Variants in CNTN5 observed in about 807,000 individuals in gnomAD.
CNTN5 encodes the protein contactin 5, also known as contactin-5.
CNTN5 carries 77 observed loss-of-function variants against 129.1 expected under a neutral mutation model. The observed-to-expected ratio is 0.60, with a 90% CI of 0.50 to 0.72. CNTN5 has a LOEUF of 0.72. Ranked by LOEUF, CNTN5 falls within the 30% of genes least tolerant of loss-of-function variation. The pLI, the probability that CNTN5 is intolerant of heterozygous loss-of-function variation, is 0.00. For synonymous variants in CNTN5, 509 were observed against 465.6 expected, an observed-to-expected ratio of 1.09 and a Z score of -1.20; for missense variants, 1,478 against 1,328.8, an observed-to-expected ratio of 1.11 and a Z score of -1.75.
At chr11:100,327,770 T>C (rs1951820631) in intron 21 of CNTN5, among the ~76,000 whole-genome samples, 1 of 152,140 alleles carries the variant, frequency 6.6e-6, no homozygotes, top group Non-Finnish European at 1.5e-5. Context: ...TTTTTAGAAC[T>C]CAAGACCTGG....
chr11:99,261,896 C>T (rs1862646246), intron 1 of CNTN5, among the ~76,000 whole-genome samples: 1 of 152,050 alleles, frequency 6.6e-6, no homozygotes, highest in Middle Eastern at 3.4e-3. Flanking sequence ...CCTTCCTAAG[C>T]CAAATCATGA....
chr11:99,029,824 C>T (rs1248294441), intron 1 of CNTN5, among the ~76,000 whole-genome samples: 2 of 152,076 alleles, frequency 1.3e-5, no homozygotes, highest in African/African-American at 4.8e-5. Flanking sequence ...GTGACTTGTA[C>T]AGGTCACCTT....
chr11:100,086,811 T>C (rs749805132), intron 13 of CNTN5, among the ~76,000 whole-genome samples: 2 of 151,388 alleles, frequency 1.3e-5, no homozygotes, highest in Non-Finnish European at 3.0e-5. Context: ...AGAAGGAATA[T>C]AAAAATAGTA....
chr11:99,213,374 GTAT>G (rs1859926638), intron 1 of CNTN5, among the ~76,000 whole-genome samples: 1 of 103,542 alleles, frequency 9.7e-6, no homozygotes, highest in African/African-American at 3.9e-5. Flanking sequence ...ATGTATATAT[GTAT>G]ATACATATAT....
chr11:99,591,426 C>T (rs6590223), intron 3 of CNTN5, among the ~76,000 whole-genome samples: 11,541 of 148,554 alleles, frequency 0.078, 683 homozygotes, highest in African/African-American at 0.17. Flanking sequence ...AAACCTCTGC[C>T]TCCTGGGTTC....
intron 2 of CNTN5, among the ~76,000 whole-genome samples, chr11:99,432,428 TC>T (rs1488457702): frequency 8.0e-6 from 1 of 125,780 alleles, no homozygotes; most frequent in African/African-American, 2.8e-5. Flanking sequence ...TCTTTTCTTT[TC>T]CTTTTCTTTC....
rs528769791 is a variant in CNTN5, at chr11:100,357,436, A to G, written c.*1216A>G. On this transcript the variant is annotated 3_prime_UTR_variant, in exon 25 of 25. Transcript: ENST00000524871. Reference sequence around the variant, plus strand: ...GTAATCCTTATTTGCTATTTCAAAGAGTCATCTTGAGCCTGAGAGATCCTA... The same window carrying G: ...GTAATCCTTATTTGCTATTTCAAAGGGTCATCTTGAGCCTGAGAGATCCTA... The G allele has an allele frequency of 6.6e-6, 1 of 151,830 alleles. No individual in the cohort carries two copies. The highest frequency in any genetic ancestry group is 2.1e-4 in the South Asian group (1 of 4,826). 9.4% of individuals were successfully genotyped at this position (151,830 alleles called of 1,614,324 possible). A position where few individuals can be genotyped will look rare whatever the true frequency, so the allele number is the denominator to read the frequency against.
chr11:100,095,360 C>T (rs1487442010), intron 13 of CNTN5, among the ~76,000 whole-genome samples: 1 of 151,940 alleles, frequency 6.6e-6, no homozygotes, highest in Non-Finnish European at 1.5e-5. Context: ...GTGGAAGAAA[C>T]TAACCAGAAG....
At chr11:99,583,626 T>C (rs539078114) in intron 3 of CNTN5, among the ~76,000 whole-genome samples, 16 of 152,338 alleles carry the variant, frequency 1.1e-4, no homozygotes, top group East Asian at 9.6e-4. Context: ...CTCTGAGCCA[T>C]GCGCGGGATA....
rs1952543776 is a variant in CNTN5, at chr11:100,357,232, G to A, written c.*1012G>A. On this transcript the variant is annotated 3_prime_UTR_variant, in exon 25 of 25. Transcript: ENST00000524871. ...AAAATGGTTCAAGTATAACAAATAA[G>A]TTTTGATTTTTAAAAACAGTTCCAT... 6.6e-6 allele frequency: 1 copy of A among 151,684 alleles called. No homozygotes were observed. Among genetic ancestry groups the A allele is most frequent in the Admixed American group, 6.6e-5 (1 of 15,166 alleles). 9.4% of individuals were successfully genotyped at this position (151,684 alleles called of 1,614,324 possible). A position where few individuals can be genotyped will look rare whatever the true frequency, so the allele number is the denominator to read the frequency against.
chr11:100,097,549 T>C (rs568813043), intron 13 of CNTN5, among the ~76,000 whole-genome samples: 18 of 151,986 alleles, frequency 1.2e-4, no homozygotes, highest in Non-Finnish European at 2.2e-4. Flanking sequence ...TTGACTGAAA[T>C]GGAAAGAAAT....
intron 2 of CNTN5, among the ~76,000 whole-genome samples, chr11:99,438,080 C>G (rs1943670628): frequency 6.6e-6 from 1 of 152,068 alleles, no homozygotes; most frequent in Non-Finnish European, 1.5e-5. Context: ...CAACATTTAA[C>G]ACATGAGTAA....
At chr11:99,508,456 C>G (rs952258242) in intron 2 of CNTN5, among the ~76,000 whole-genome samples, 1 of 152,004 alleles carries the variant, frequency 6.6e-6, no homozygotes, top group South Asian at 2.1e-4. Flanking sequence ...CTGAGTACAC[C>G]GATGCAGAGC....
chr11:99,319,686 G>T (rs758730308), intron 1 of CNTN5, among the ~76,000 whole-genome samples: 1 of 152,070 alleles, frequency 6.6e-6, no homozygotes, highest in Non-Finnish European at 1.5e-5. Context: ...AGCACAGTAT[G>T]TAAATTTTTT....
chr11:100,081,999 G>A (rs1320618258), intron 13 of CNTN5, among the ~76,000 whole-genome samples: 1 of 152,100 alleles, frequency 6.6e-6, no homozygotes, highest in Admixed American at 6.6e-5. Context: ...GTACAAGAGA[G>A]TTTAAAGCAC....
chr11:99,445,598 C>T (rs1297613292), intron 2 of CNTN5, among the ~76,000 whole-genome samples: 2 of 152,066 alleles, frequency 1.3e-5, no homozygotes, highest in East Asian at 3.9e-4. Context: ...GCATTCTTTA[C>T]ATTGGATTTA....
chr11:99,887,345 T>C (rs926119131), intron 6 of CNTN5, among the ~76,000 whole-genome samples: 2 of 152,158 alleles, frequency 1.3e-5, no homozygotes, highest in African/African-American at 2.4e-5. Context: ...GATTTATAAG[T>C]CCTTTAAAAC....
chr11:100,071,666 G>C, intron 11 of CNTN5, 39 bp from the exon 12 acceptor site: 2 of 1,468,936 alleles, frequency 1.4e-6, no homozygotes, highest in Non-Finnish European at 1.8e-6. Flanking sequence ...CATGTTATTT[G>C]TTTACTTTCT....
chr11:99,880,870 G>C (rs1948754366), intron 6 of CNTN5, among the ~76,000 whole-genome samples: 1 of 151,980 alleles, frequency 6.6e-6, no homozygotes, highest in South Asian at 2.1e-4. Context: ...CTATTTGTGA[G>C]GAAGCACAGG....
Sources: allele counts gnomAD v4.1 joint callset (sites outside exome capture counted in the v4.1 genomes callset), GRCh38; gene constraint gnomAD v4.1.1; transcripts MANE v1.5; gene names NCBI Gene and HGNC (gene_info 2026-07-23, HGNC 2026-07-21).